The following THRB variants were observed in gnomAD, a reference collection of about 807,000 sequenced individuals.
THRB encodes the protein nuclear receptor subfamily 1 group A member 2.
Under a neutral mutation model 47.8 loss-of-function variants are expected in THRB, and 12 were observed. That is an observed-to-expected ratio of 0.25 (90% CI 0.16 to 0.41). THRB has a LOEUF of 0.41. THRB is among the 10% of genes least tolerant of loss of function. THRB has a pLI of 1.00. For synonymous variants in THRB, 218 were observed against 212.2 expected, an observed-to-expected ratio of 1.03 and a Z score of -0.24; for missense variants, 348 against 589.2, an observed-to-expected ratio of 0.59 and a Z score of 4.24.
In THRB at chr3:24,224,460, C is replaced by T. The variant is rs12637774; in HGVS notation, c.22+4478G>A. On this transcript the variant is annotated intron_variant, in intron 4 of 10. Coordinates refer to ENST00000646209, the MANE Select transcript of THRB (RefSeq NM_001354712.2). ...GTGTCATTATTTTGCCATCAGTAAC[C>T]TTTTGAAACCATGGAAAGCCATTCT... is the stretch of plus-strand genomic sequence containing the variant. Among the ~76,000 whole-genome samples, 226 of 152,034 alleles carry T rather than the reference C, an allele frequency of 1.5e-3. 6 individuals are homozygous for T. The East Asian group carries it at 0.021, about 14-fold the overall frequency.
At chr3:24,483,384 T>G (rs7636310) in intron 1 of THRB, among the ~76,000 whole-genome samples, 85 of 152,230 alleles carry the variant, frequency 5.6e-4, no homozygotes, top group African/African-American at 1.9e-3. Flanking sequence ...TTAAATAATC[T>G]AAAACTGTTA....
chr3:24,202,200 T>G (rs2044673566), intron 4 of THRB, among the ~76,000 whole-genome samples: 1 of 152,202 alleles, frequency 6.6e-6, no homozygotes, highest in Admixed American at 6.5e-5. Flanking sequence ...AGAGGTCACA[T>G]TCTTGCTCAA....
At chr3:24,444,157 A>G (rs1439599787) in intron 1 of THRB, among the ~76,000 whole-genome samples, 1 of 151,970 alleles carries the variant, frequency 6.6e-6, no homozygotes, top group Non-Finnish European at 1.5e-5. Flanking sequence ...GCCAGTGAGT[A>G]TTTTGAACTT....
chr3:24,211,742 T>C (rs916471995), intron 4 of THRB, among the ~76,000 whole-genome samples: 7 of 152,190 alleles, frequency 4.6e-5, no homozygotes, highest in Non-Finnish European at 1.0e-4. Context: ...CACACTGGAG[T>C]GACTTCATGA....
At chr3:24,166,371 C>CACTT (rs1257859874) in intron 5 of THRB, among the ~76,000 whole-genome samples, 1 of 152,166 alleles carries the variant, frequency 6.6e-6, no homozygotes, top group Non-Finnish European at 1.5e-5. Context: ...AAACTGTAAA[C>CACTT]ACTTACCACT....
intron 1 of THRB, among the ~76,000 whole-genome samples, chr3:24,491,335 A>G (rs781649640): frequency 5.3e-5 from 8 of 152,214 alleles, no homozygotes; most frequent in Non-Finnish European, 8.8e-5. Context: ...ACAAATCACC[A>G]TAATCTTCAA....
At position 24,164,079 on chromosome 3, in the gene THRB, C is replaced by T. The variant is rs549509094; in HGVS notation, c.284-11589G>A. ...GTAAATTTGGTTCTCTATGCAATATCCTATAGATTATATACAAAAGCATGA... is the reference window on the plus strand; with the variant it reads ...GTAAATTTGGTTCTCTATGCAATATTCTATAGATTATATACAAAAGCATGA... On this transcript the variant is annotated intron_variant, in intron 5 of 10. Transcript: ENST00000646209. Among the ~76,000 whole-genome samples, 9 of 152,178 alleles carry T rather than the reference C, an allele frequency of 5.9e-5. No individual in the cohort carries two copies. In the East Asian group the frequency reaches 1.7e-3, roughly 29 times the overall value.
intron 4 of THRB, among the ~76,000 whole-genome samples, chr3:24,208,613 T>C (rs1052743961): frequency 2.0e-5 from 3 of 152,226 alleles, no homozygotes; most frequent in Non-Finnish European, 4.4e-5. Context: ...ATTCCCTATT[T>C]AATAAATGGT....
At chr3:24,384,833 G>A (rs1031614677) in intron 1 of THRB, among the ~76,000 whole-genome samples, 2 of 152,056 alleles carry the variant, frequency 1.3e-5, no homozygotes, top group Admixed American at 6.6e-5. Flanking sequence ...GGTTACATTT[G>A]GAAAGAGATA....
chr3:24,160,858 C>T (rs1452266026), intron 5 of THRB, among the ~76,000 whole-genome samples: 2 of 152,220 alleles, frequency 1.3e-5, no homozygotes, highest in East Asian at 1.9e-4. Context: ...AGTCAGCAGT[C>T]TCACCATTCC....
At chr3:24,184,614 C>T (rs542649644) in intron 5 of THRB, among the ~76,000 whole-genome samples, 7 of 152,230 alleles carry the variant, frequency 4.6e-5, no homozygotes, top group African/African-American at 1.4e-4. Flanking sequence ...ATGGGGTACT[C>T]GTCCCTGCCT....
chr3:24,396,180 T>C (rs2066947487), intron 1 of THRB, among the ~76,000 whole-genome samples: 1 of 152,034 alleles, frequency 6.6e-6, no homozygotes, highest in Non-Finnish European at 1.5e-5. Flanking sequence ...CATATATATA[T>C]TTTTTCTATA....
intron 1 of THRB, among the ~76,000 whole-genome samples, chr3:24,484,814 C>T (rs758309384): frequency 6.6e-5 from 10 of 152,160 alleles, no homozygotes; most frequent in Admixed American, 2.0e-4. Flanking sequence ...TAATGTTTGC[C>T]AACCCCTGGG....
Position 24,261,793 on chromosome 3 carries a change from A to G in THRB, c.-42-32792T>C, listed in dbSNP as rs1168788694. Among the ~76,000 whole-genome samples, 5 of 152,166 alleles carry G rather than the reference A, an allele frequency of 3.3e-5. No homozygotes were observed. In the East Asian group the frequency reaches 9.6e-4, roughly 29 times the overall value. On this transcript the variant is annotated intron_variant, in intron 3 of 10. Coordinates refer to ENST00000646209, the MANE Select transcript of THRB (RefSeq NM_001354712.2). The stretch of plus-strand genomic sequence containing the variant: ...CAACACTTGATACAGCTAGCTTCTC[A>G]CTACCTCTTCAAATCTTCCTCCATT...
intron 7 of THRB, chr3:24,143,973 C>A (rs2035779264): frequency 3.9e-6 from 2 of 519,038 alleles, no homozygotes; most frequent in South Asian, 2.1e-5. Context: ...ACTGCGCACT[C>A]CAACTCCACA....
rs1416138930 is a variant in THRB, at chr3:24,120,157, G to A, written c.*2727C>T. ...GCACTAAGTACCTCTGTCAGCTTCAGAAGGAAGGAGTTTAGTTTCAGAGTC... is the reference window on the plus strand; with the variant it reads ...GCACTAAGTACCTCTGTCAGCTTCAAAAGGAAGGAGTTTAGTTTCAGAGTC... On this transcript the variant is annotated 3_prime_UTR_variant, in exon 11 of 11. Transcript: ENST00000646209. 6.6e-6 allele frequency: 1 copy of A among 152,240 alleles called. No homozygotes were observed. Among genetic ancestry groups the A allele is most frequent in the East Asian group, 1.9e-4 (1 of 5,196 alleles). 9.4% of individuals were successfully genotyped at this position (152,240 alleles called of 1,614,324 possible). A position where few individuals can be genotyped will look rare whatever the true frequency, so the allele number is the denominator to read the frequency against.
chr3:24,456,053 G>T (rs1273695975), intron 1 of THRB, among the ~76,000 whole-genome samples: 1 of 152,158 alleles, frequency 6.6e-6, no homozygotes, highest in African/African-American at 2.4e-5. Context: ...GTTCGGCCAG[G>T]CATGATGGCT....
At chr3:24,443,163 A>G (rs2071722004) in intron 1 of THRB, among the ~76,000 whole-genome samples, 1 of 152,220 alleles carries the variant, frequency 6.6e-6, no homozygotes, top group Admixed American at 6.5e-5. Context: ...CTGGCAACAG[A>G]GTGAGATTCC....
At chr3:24,147,845 G>C (rs979378698) in intron 6 of THRB, among the ~76,000 whole-genome samples, 1 of 152,112 alleles carries the variant, frequency 6.6e-6, no homozygotes, top group South Asian at 2.1e-4. Context: ...CCTCAGACAG[G>C]TTAAATCGCT....
Sources: allele counts gnomAD v4.1 joint callset (sites outside exome capture counted in the v4.1 genomes callset), GRCh38; gene constraint gnomAD v4.1.1; transcripts MANE v1.5; gene names NCBI Gene and HGNC (gene_info 2026-07-23, HGNC 2026-07-21).